STIM2: variants seen among roughly 807,000 people sequenced by gnomAD.
STIM2 encodes stromal interaction molecule 2.
Under a neutral mutation model 85.8 loss-of-function variants are expected in STIM2, and 31 were observed. The ratio of observed to expected loss-of-function variants is 0.36; its 90% CI spans 0.27 to 0.49. STIM2 has a LOEUF of 0.49. STIM2 is among the 20% of genes least tolerant of loss of function. The pLI is 0.98. For synonymous variants in STIM2, 356 were observed against 331.1 expected, an observed-to-expected ratio of 1.08 and a Z score of -0.82; for missense variants, 841 against 927.6, an observed-to-expected ratio of 0.91 and a Z score of 1.21.
rs568248639 is a variant in STIM2, at chr4:26,875,356, G to A, written c.151+13987G>A. 5.3e-5 allele frequency among the ~76,000 whole-genome samples: 8 copies of A among 152,116 alleles called. No individual in the cohort carries two copies. In the South Asian group the frequency reaches 6.2e-4, roughly 12 times the overall value. On this transcript the variant is annotated intron_variant, in intron 1 of 11. Coordinates refer to ENST00000467087, the MANE Select transcript of STIM2 (RefSeq NM_020860.4). ...ATAATCTATGATGAGTTGTTTAAAC[G>A]TGTTTATAAAATTATCTGGTAACTT... is the stretch of plus-strand genomic sequence containing the variant.
Position 26,995,483 on chromosome 4 carries a change from CT to C in STIM2, c.504del (p.Arg170GlyfsTer2). On this transcript the variant is annotated frameshift_variant, in exon 4 of 12. Transcript: ENST00000467087. LOFTEE classifies it high-confidence loss of function. ...AGACAACAATGTCAAAGGAACGACACTTCCCAGGTGAGTCTTTGTTATGCAA... is the reference window on the plus strand; with the variant it reads ...AGACAACAATGTCAAAGGAACGACACTCCCAGGTGAGTCTTTGTTATGCAA... 1 of 1,591,462 alleles carries C rather than the reference CT, an allele frequency of 6.3e-7. No homozygotes were observed. Among genetic ancestry groups the C allele is most frequent in the Non-Finnish European group, 8.6e-7 (1 of 1,168,210 alleles).
At chr4:27,007,824 T>A in intron 8 of STIM2, 124 bp downstream of exon 8, 1 of 1,042,710 alleles carries the variant, frequency 9.6e-7, no homozygotes, top group South Asian at 1.8e-5. Context: ...TTTTTCAAAC[T>A]GGAACTTATT....
chr4:26,881,675 A>T (rs776289213), intron 1 of STIM2: 1 of 152,186 alleles, frequency 6.6e-6, no homozygotes, highest in Non-Finnish European at 1.5e-5. Context: ...TAGCAACCTG[A>T]GTGGACTAAG....
intron 2 of STIM2, among the ~76,000 whole-genome samples, chr4:26,920,386 G>A (rs979878971): frequency 2.0e-5 from 3 of 152,156 alleles, no homozygotes; most frequent in African/African-American, 7.2e-5. Context: ...ACTGTCTTTA[G>A]TTTTTAAGCA....
chr4:26,861,249 G>C lies in STIM2; in HGVS notation c.31G>C (p.Ala11Pro). Residue 11 changes from alanine to proline, a missense_variant, in exon 1 of 12, where the codon GCG becomes CCG. Transcript: ENST00000467087. ...GGTGCTCGGGCTGCTGGTAGCCGGA[G>C]CGGCGGACGGATGCGAGCTTGTGCC... 1 of 1,485,840 alleles carries C rather than the reference G, an allele frequency of 6.7e-7. No homozygotes were observed. The highest frequency in any genetic ancestry group is 8.9e-7 in the Non-Finnish European group (1 of 1,124,784). The allele number at this position is 1,485,840 out of a possible 1,614,324, so 92.0% of individuals were successfully genotyped here. A position where few individuals can be genotyped will look rare whatever the true frequency, so the allele number is the denominator to read the frequency against.
At chr4:26,885,379 T>C (rs1296960725) in intron 1 of STIM2, among the ~76,000 whole-genome samples, 1 of 152,178 alleles carries the variant, frequency 6.6e-6, no homozygotes, top group Non-Finnish European at 1.5e-5. Context: ...AATCAGTATG[T>C]GCCTTTGCCT....
intron 1 of STIM2, among the ~76,000 whole-genome samples, chr4:26,861,953 A>T (rs893882611): frequency 6.6e-6 from 1 of 152,126 alleles, no homozygotes; most frequent in African/African-American, 2.4e-5. Flanking sequence ...GCGGGGTGGA[A>T]GGAGGCCGTT....
chr4:26,923,571 C>T (rs1223423602), intron 2 of STIM2, among the ~76,000 whole-genome samples: 4 of 138,726 alleles, frequency 2.9e-5, no homozygotes, highest in Non-Finnish European at 6.2e-5. Flanking sequence ...GCTGCAAAAT[C>T]ATGCCAAAAT....
chr4:26,951,483 C>G (rs1463451375), intron 2 of STIM2, among the ~76,000 whole-genome samples: 1 of 152,126 alleles, frequency 6.6e-6, no homozygotes, highest in Non-Finnish European at 1.5e-5. Context: ...TTCTGGTCAT[C>G]TCAGGGATCA....
chr4:26,915,533 G>A (rs1724544027), intron 1 of STIM2, among the ~76,000 whole-genome samples: 1 of 152,036 alleles, frequency 6.6e-6, no homozygotes, highest in African/African-American at 2.4e-5. Context: ...ACTGTGCCCA[G>A]CCTGTAGTAG....
chr4:26,910,973 A>C (rs1724311904), intron 1 of STIM2, among the ~76,000 whole-genome samples: 1 of 152,156 alleles, frequency 6.6e-6, no homozygotes, highest in Non-Finnish European at 1.5e-5. Context: ...GCAGTGGCTC[A>C]CGCCTGTAAT....
rs779825797 is a variant in STIM2 at position 27,002,383 on chromosome 4, C to T, written c.792C>T (p.Asp264=). 6 of 1,597,556 alleles carry T rather than the reference C, an allele frequency of 3.8e-6. No individual in the cohort carries two copies. The highest frequency in any genetic ancestry group is 5.1e-6 in the Non-Finnish European group (6 of 1,175,352). Residue 264 remains aspartate (D), a synonymous_variant, in exon 6 of 12, where the codon GAC becomes GAT. Transcript: ENST00000467087. Reference sequence around the variant, plus strand: ...AAACTGCAGAGCAAAGTCTAATGGACTTACAGGAGAGGTAAGTTCAGAAAA... The same window carrying T: ...AAACTGCAGAGCAAAGTCTAATGGATTTACAGGAGAGGTAAGTTCAGAAAA...
chr4:26,959,028 G>T (rs1233659073), intron 3 of STIM2, among the ~76,000 whole-genome samples: 1 of 152,148 alleles, frequency 6.6e-6, no homozygotes, highest in East Asian at 1.9e-4. Context: ...CTCTTGCCTG[G>T]ATAATTGTGA....
At chr4:26,973,882 T>C (rs1727075685) in intron 3 of STIM2, among the ~76,000 whole-genome samples, 1 of 152,254 alleles carries the variant, frequency 6.6e-6, no homozygotes, top group African/African-American at 2.4e-5. Flanking sequence ...TAAGTCTCTT[T>C]GTAGCTCTTT....
rs1213613833 is a variant in STIM2 at position 26,860,884 on chromosome 4, C to A, written c.-335C>A. Reference sequence around the variant, plus strand: ...CTCGCCGCAGCAGCAGCGCGGGTGTCGTGCACCGCCTGAAGACGCCGTACC... The same window carrying A: ...CTCGCCGCAGCAGCAGCGCGGGTGTAGTGCACCGCCTGAAGACGCCGTACC... On this transcript the variant is annotated 5_prime_UTR_variant, in exon 1 of 12. Transcript: ENST00000467087. 1.5e-5 allele frequency: 15 copies of A among 982,662 alleles called. No individual in the cohort carries two copies. The highest frequency in any genetic ancestry group is 1.9e-5 in the Non-Finnish European group (15 of 802,296). The allele number at this position is 982,662 out of a possible 1,614,324, so 60.9% of individuals were successfully genotyped here. A position where few individuals can be genotyped will look rare whatever the true frequency, so the allele number is the denominator to read the frequency against.
At chr4:26,883,024 T>C (rs1455125833) in intron 1 of STIM2, among the ~76,000 whole-genome samples, 6 of 149,816 alleles carry the variant, frequency 4.0e-5, no homozygotes, top group African/African-American at 1.5e-4. Context: ...TTTTTTTGTA[T>C]TTTTAGTAGA....
chr4:26,860,930 T>C lies in STIM2; in HGVS notation c.-289T>C. ...GTACCTTTCTACCCCCCACCTTTTT[T>C]TTTTTTTTTTTTAAATAACCGGAAC... On this transcript the variant is annotated 5_prime_UTR_variant, in exon 1 of 12. Coordinates refer to ENST00000467087, the MANE Select transcript of STIM2 (RefSeq NM_020860.4). 1.7e-6 allele frequency: 2 copies of C among 1,150,186 alleles called. No homozygotes were observed. Among genetic ancestry groups the C allele is most frequent in the Non-Finnish European group, 1.1e-6 (1 of 923,744 alleles). The allele number at this position is 1,150,186 out of a possible 1,614,324, so 71.2% of individuals were successfully genotyped here. A position where few individuals can be genotyped will look rare whatever the true frequency, so the allele number is the denominator to read the frequency against.
intron 1 of STIM2, among the ~76,000 whole-genome samples, chr4:26,897,528 T>G (rs1215511245): frequency 6.6e-6 from 1 of 152,218 alleles, no homozygotes; most frequent in African/African-American, 2.4e-5. Flanking sequence ...TAAATTTCTA[T>G]TATCAAGCTT....
At chr4:26,973,120 T>G (rs1359338486) in intron 3 of STIM2, among the ~76,000 whole-genome samples, 1 of 152,194 alleles carries the variant, frequency 6.6e-6, no homozygotes, top group East Asian at 1.9e-4. Flanking sequence ...GTCTATTTGA[T>G]TCTTCTCTCT....
Sources: allele counts gnomAD v4.1 joint callset (sites outside exome capture counted in the v4.1 genomes callset), GRCh38; gene constraint gnomAD v4.1.1; transcripts MANE v1.5; gene names NCBI Gene and HGNC (gene_info 2026-07-23, HGNC 2026-07-21).